Variants in CELF2 observed in about 807,000 individuals in gnomAD.
CELF2 encodes the protein CUG triplet repeat RNA-binding protein 2.
A neutral mutation model predicts 62.6 loss-of-function variants in CELF2; 8 were observed. The ratio of observed to expected loss-of-function variants is 0.13; its 90% CI spans 0.07 to 0.23. The LOEUF is 0.23. CELF2 is among the 10% of genes least tolerant of loss of function. The pLI is 1.00. For missense variants in CELF2, 333 were observed against 671.0 expected (o/e 0.50, Z 5.56); for synonymous variants, 258 against 250.0 (o/e 1.03, Z -0.30).
intron 2 of CELF2, among the ~76,000 whole-genome samples, chr10:10,944,822 C>T (rs535078256): frequency 3.3e-5 from 5 of 152,054 alleles, no homozygotes; most frequent in South Asian, 4.2e-4. Flanking sequence ...AGGCTGGTCC[C>T]GAACAACTGA....
intron 2 of CELF2, among the ~76,000 whole-genome samples, chr10:11,174,627 A>C (rs113112812): frequency 1.9e-4 from 29 of 152,358 alleles, no homozygotes; most frequent in African/African-American, 6.7e-4. Flanking sequence ...TACTCACCAC[A>C]CTATTTAACT....
intron 2 of CELF2, among the ~76,000 whole-genome samples, chr10:11,213,324 A>G (rs2062429681): frequency 1.3e-5 from 2 of 152,226 alleles, no homozygotes; most frequent in Non-Finnish European, 2.9e-5. Flanking sequence ...CTGCTGAGCC[A>G]TCTGGTGCTG....
intron 2 of CELF2, among the ~76,000 whole-genome samples, chr10:11,200,261 G>A (rs2058921261): frequency 6.6e-6 from 1 of 152,142 alleles, no homozygotes; most frequent in African/African-American, 2.4e-5. Flanking sequence ...TTATAGGTAG[G>A]TATCTCACAT....
At chr10:11,073,685 T>C (rs533188537) in intron 1 of CELF2, among the ~76,000 whole-genome samples, 1 of 152,326 alleles carries the variant, frequency 6.6e-6, no homozygotes, top group African/African-American at 2.4e-5. Flanking sequence ...CAGAATGGCC[T>C]TGGGCCTCAC....
chr10:10,854,719 TA>T (rs1035970621), intron 1 of CELF2, among the ~76,000 whole-genome samples: 1 of 152,044 alleles, frequency 6.6e-6, no homozygotes, highest in African/African-American at 2.4e-5. Flanking sequence ...ACTTGCAATT[TA>T]AAATTCTCAC....
intron 1 of CELF2, among the ~76,000 whole-genome samples, chr10:10,909,327 C>T (rs1234948122): frequency 6.6e-6 from 1 of 152,162 alleles, no homozygotes; most frequent in Non-Finnish European, 1.5e-5. Flanking sequence ...CCCTCAGAAC[C>T]TTCATAGTAC....
intron 9 of CELF2, among the ~76,000 whole-genome samples, chr10:11,301,833 C>G (rs2948705): frequency 0.99 from 150,510 of 152,056 alleles, 74,504 homozygotes; most frequent in Middle Eastern, 1. Context: ...CACAGGCTCA[C>G]CCATGTCGTG....
chr10:10,476,651 T>A, the CELF2 span, among the ~76,000 whole-genome samples: 2 of 152,160 alleles, frequency 1.3e-5, no homozygotes, highest in African/African-American at 4.8e-5. Context: ...TCAAATGCCC[T>A]AACAGATATC....
chr10:11,246,733 G>T lies in CELF2; in HGVS notation c.355-2420G>T, dbSNP rs963914810. On this transcript the variant is annotated intron_variant, in intron 3 of 12. Transcript: ENST00000633077. This position sits in a 1 kb window ranked among gnomAD's most constrained non-coding sequence, Gnocchi z 4.6. Reference sequence around the variant, plus strand: ...CTTTCCTGGTATTCTCTGCAGTTCTGTCCTCGGCTCTCAGCTCTTTGCACC... The same window carrying T: ...CTTTCCTGGTATTCTCTGCAGTTCTTTCCTCGGCTCTCAGCTCTTTGCACC... Among the ~76,000 whole-genome samples the T allele has an allele frequency of 2.6e-5, 4 of 152,106 alleles. No homozygotes were observed. Among genetic ancestry groups the T allele is most frequent in the African/African-American group, 9.7e-5 (4 of 41,410 alleles).
At chr10:11,303,983 T>C (rs528993549) in intron 9 of CELF2, among the ~76,000 whole-genome samples, 19 of 152,394 alleles carry the variant, frequency 1.2e-4, no homozygotes, top group African/African-American at 3.8e-4. Flanking sequence ...ACACCTTAGC[T>C]GTGCTCACTG....
At chr10:11,043,275 G>A (rs982952361) in intron 1 of CELF2, among the ~76,000 whole-genome samples, 1 of 152,220 alleles carries the variant, frequency 6.6e-6, no homozygotes, top group African/African-American at 2.4e-5. Flanking sequence ...CAGGGCCAGG[G>A]CTGGTAGAAC....
intron 2 of CELF2, among the ~76,000 whole-genome samples, chr10:11,208,323 G>A (rs1050802019): frequency 6.6e-6 from 1 of 152,166 alleles, no homozygotes; most frequent in African/African-American, 2.4e-5. Flanking sequence ...ATGAGATCAC[G>A]GTTTCTGTGA....
intron 1 of CELF2, among the ~76,000 whole-genome samples, chr10:11,133,155 C>G (rs2059872433): frequency 6.6e-6 from 1 of 152,130 alleles, no homozygotes; most frequent in Non-Finnish European, 1.5e-5. Context: ...ACATAAAAGT[C>G]TAGGAAAGAA....
chr10:10,773,547 A>G, the CELF2 span, among the ~76,000 whole-genome samples: 1 of 152,214 alleles, frequency 6.6e-6, no homozygotes, highest in Non-Finnish European at 1.5e-5. Context: ...AAAATATAAG[A>G]CTGACTATTT....
At chr10:10,974,422 A>G (rs934141263) in intron 2 of CELF2, among the ~76,000 whole-genome samples, 4 of 152,210 alleles carry the variant, frequency 2.6e-5, no homozygotes, top group African/African-American at 9.6e-5. Context: ...CAATACTTAG[A>G]TAAATAGAAA....
At chr10:10,654,019 A>C in the CELF2 span, among the ~76,000 whole-genome samples, 8 of 151,424 alleles carry the variant, frequency 5.3e-5, no homozygotes, top group African/African-American at 1.9e-4. Flanking sequence ...CACACAATAA[A>C]AAATGATAAA....
the CELF2 span, among the ~76,000 whole-genome samples, chr10:10,534,739 G>T: frequency 6.6e-6 from 1 of 152,264 alleles, no homozygotes; most frequent in African/African-American, 2.4e-5. Flanking sequence ...GGCCACTGAG[G>T]TATTTCTTAG....
the CELF2 span, among the ~76,000 whole-genome samples, chr10:10,653,282 C>A: frequency 6.6e-6 from 1 of 151,234 alleles, no homozygotes; most frequent in African/African-American, 2.4e-5. Flanking sequence ...ACTTTAACAC[C>A]CCACTGTCAA....
chr10:11,141,685 C>G (rs565312026), intron 1 of CELF2, among the ~76,000 whole-genome samples: 44 of 152,316 alleles, frequency 2.9e-4, no homozygotes, highest in Admixed American at 2.7e-3. Context: ...TCAATCATTG[C>G]ATGTTTATTT....
Sources: allele counts gnomAD v4.1 joint callset (sites outside exome capture counted in the v4.1 genomes callset), GRCh38; gene constraint gnomAD v4.1.1; non-coding constraint Gnocchi (gnomAD v3.1); transcripts MANE v1.5; gene names NCBI Gene and HGNC (gene_info 2026-07-23, HGNC 2026-07-21).